Variants in GNA14 observed in about 807,000 individuals in gnomAD.
The protein encoded by GNA14 is guanine nucleotide-binding protein subunit alpha-14.
A neutral mutation model predicts 42.0 loss-of-function variants in GNA14; 50 were observed. The observed-to-expected ratio is 1.19, with a 90% CI of 0.95 to 1.51. The LOEUF (loss-of-function observed/expected upper bound fraction) is 1.51. GNA14 is among the 40% of genes most tolerant of loss of function. The pLI is 0.00. For synonymous variants in GNA14, 173 were observed against 163.1 expected, an observed-to-expected ratio of 1.06 and a Z score of -0.46; for missense variants, 473 against 446.2, an observed-to-expected ratio of 1.06 and a Z score of -0.54.
chr9:77,495,589 T>C (rs564362557), intron 2 of GNA14, among the ~76,000 whole-genome samples: 104 of 152,336 alleles, frequency 6.8e-4, no homozygotes, highest in African/African-American at 2.3e-3. Flanking sequence ...CTTGACTATA[T>C]AGCAAATATG....
At position 77,515,414 on chromosome 9, in the gene GNA14, T is replaced by C. The variant is rs554318523; in HGVS notation, c.309+13655A>G. 2.0e-5 allele frequency among the ~76,000 whole-genome samples: 3 copies of C among 152,254 alleles called. No individual in the cohort carries two copies. The South Asian group carries it at 6.2e-4, about 32-fold the overall frequency. Reference sequence around the variant, plus strand: ...GAAAGGAGGTCACTGTGGTTGAAGCTGAATGAGCATGCGGCAGAGCCGGGC... The same window carrying C: ...GAAAGGAGGTCACTGTGGTTGAAGCCGAATGAGCATGCGGCAGAGCCGGGC... On this transcript the variant is annotated intron_variant, in intron 2 of 6. Transcript: ENST00000341700.
chr9:77,512,977 C>G (rs1002321322), intron 2 of GNA14, among the ~76,000 whole-genome samples: 6 of 152,332 alleles, frequency 3.9e-5, no homozygotes, highest in African/African-American at 1.2e-4. Context: ...ATCCACTCAA[C>G]AGAAGGTTCT....
At chr9:77,549,094 C>T (rs1427750754) in intron 1 of GNA14, among the ~76,000 whole-genome samples, 1 of 152,154 alleles carries the variant, frequency 6.6e-6, no homozygotes, top group East Asian at 1.9e-4. Context: ...GCCACCACAC[C>T]CAGCTAATTT....
chr9:77,604,906 T>C (rs1046394620), intron 1 of GNA14, among the ~76,000 whole-genome samples: 5 of 152,224 alleles, frequency 3.3e-5, no homozygotes. Context: ...GAAGCAAAAA[T>C]ACATCTTTGA....
At chr9:77,640,924 G>T (rs1035714666) in intron 1 of GNA14, among the ~76,000 whole-genome samples, 2 of 148,662 alleles carry the variant, frequency 1.3e-5, no homozygotes, top group African/African-American at 5.0e-5. Context: ...AGTGACACAG[G>T]AGCCAGCTTG....
intron 1 of GNA14, among the ~76,000 whole-genome samples, chr9:77,629,459 A>C (rs1228103860): frequency 6.6e-6 from 1 of 152,246 alleles, no homozygotes; most frequent in East Asian, 1.9e-4. Flanking sequence ...TATTCACAAC[A>C]GCAAAGACTT....
In GNA14 at chr9:77,647,835, G is replaced by A. The variant is rs1488415933; in HGVS notation, c.-42C>T. ...TACCCGACGGGGCGACGCGGCCCCG[G>A]GCACCCGAATCCTCGGCCCGGCCGC... On this transcript the variant is annotated 5_prime_UTR_variant, in exon 1 of 7. Transcript: ENST00000341700. The A allele has an allele frequency of 3.2e-6, 5 of 1,587,084 alleles. No individual in the cohort carries two copies. The highest frequency in any genetic ancestry group is 2.7e-5 in the African/African-American group (2 of 74,386).
Position 77,460,200 on chromosome 9 carries a change from T to C in GNA14, c.310-25678A>G, listed in dbSNP as rs374617511. Among the ~76,000 whole-genome samples, 8 of 152,092 alleles carry C rather than the reference T, an allele frequency of 5.3e-5. No individual in the cohort carries two copies. The East Asian group carries it at 5.8e-4, about 11-fold the overall frequency. Reference sequence around the variant, plus strand: ...AAGTACGGATTGAGATGAGGTCACGTTGGATTAGGATGGACCCCAAATCCA... The same window carrying C: ...AAGTACGGATTGAGATGAGGTCACGCTGGATTAGGATGGACCCCAAATCCA... On this transcript the variant is annotated intron_variant, in intron 2 of 6. Transcript: ENST00000341700.
chr9:77,587,052 C>T (rs1823316688), intron 1 of GNA14, among the ~76,000 whole-genome samples: 1 of 150,146 alleles, frequency 6.7e-6, no homozygotes, highest in Admixed American at 6.6e-5. Context: ...ACTAAGGACT[C>T]TCTTACCTTC....
intron 2 of GNA14, among the ~76,000 whole-genome samples, chr9:77,464,083 C>T (rs1836167625): frequency 6.6e-6 from 1 of 152,072 alleles, no homozygotes; most frequent in Non-Finnish European, 1.5e-5. Context: ...TCACTGCAAC[C>T]TCAGCCTCCT....
chr9:77,594,695 A>AG (rs1480690049), intron 1 of GNA14, among the ~76,000 whole-genome samples: 2 of 152,236 alleles, frequency 1.3e-5, no homozygotes, highest in Admixed American at 1.3e-4. Flanking sequence ...GGATTTATCA[A>AG]GCATAATGAG....
intron 1 of GNA14, among the ~76,000 whole-genome samples, chr9:77,560,911 A>G (rs1451863084): frequency 6.6e-6 from 1 of 152,096 alleles, no homozygotes; most frequent in Non-Finnish European, 1.5e-5. Context: ...TTTTTTCAAA[A>G]GAATAGACCC....
chr9:77,465,423 C>T (rs1254882648), intron 2 of GNA14, among the ~76,000 whole-genome samples: 1 of 152,164 alleles, frequency 6.6e-6, no homozygotes, highest in Non-Finnish European at 1.5e-5. Flanking sequence ...TTCGTTGAGG[C>T]CATTTGGACT....
intron 1 of GNA14, among the ~76,000 whole-genome samples, chr9:77,623,107 C>T (rs1447206413): frequency 6.8e-6 from 1 of 147,944 alleles, no homozygotes; most frequent in African/African-American, 2.5e-5. Flanking sequence ...TCCAGCTACT[C>T]AGGAGGCTGA....
In GNA14 at chr9:77,423,116, G is replaced by A. The variant is rs1835397414; in HGVS notation, c.*863C>T. 6.6e-6 allele frequency: 1 copy of A among 152,024 alleles called. No individual in the cohort carries two copies. Among genetic ancestry groups the A allele is most frequent in the East Asian group, 1.9e-4 (1 of 5,190 alleles). 9.4% of individuals were successfully genotyped at this position (152,024 alleles called of 1,614,324 possible). A position where few individuals can be genotyped will look rare whatever the true frequency, so the allele number is the denominator to read the frequency against. On this transcript the variant is annotated 3_prime_UTR_variant, in exon 7 of 7. Coordinates refer to ENST00000341700, the MANE Select transcript of GNA14 (RefSeq NM_004297.4). ...GGTATATTCTTAGCCTCCTCAGAAA[G>A]GCACAGCATACATAATTCAAACAGC...
At chr9:77,554,027 C>A (rs1322121924) in intron 1 of GNA14, among the ~76,000 whole-genome samples, 1 of 152,124 alleles carries the variant, frequency 6.6e-6, no homozygotes, top group African/African-American at 2.4e-5. Context: ...ATAAAACCTA[C>A]TAGGCCAGGA....
At chr9:77,484,798 G>A (rs1836628791) in intron 2 of GNA14, among the ~76,000 whole-genome samples, 1 of 152,078 alleles carries the variant, frequency 6.6e-6, no homozygotes, top group Non-Finnish European at 1.5e-5. Context: ...ACAAATTTTG[G>A]TTTCCTAGTA....
chr9:77,643,860 A>T (rs929068745), intron 1 of GNA14, among the ~76,000 whole-genome samples: 2 of 152,174 alleles, frequency 1.3e-5, no homozygotes, highest in Non-Finnish European at 1.5e-5. Flanking sequence ...GGGCCTGAAA[A>T]TACTCAAAAA....
chr9:77,478,701 C>T (rs1205625701), intron 2 of GNA14, among the ~76,000 whole-genome samples: 6 of 152,058 alleles, frequency 3.9e-5, no homozygotes, highest in African/African-American at 9.7e-5. Context: ...TGTTTCCTGA[C>T]TTTTTAATGA....
Sources: allele counts gnomAD v4.1 joint callset (sites outside exome capture counted in the v4.1 genomes callset), GRCh38; gene constraint gnomAD v4.1.1; transcripts MANE v1.5; gene names NCBI Gene and HGNC (gene_info 2026-07-23, HGNC 2026-07-21).